Variants in MB21D2 observed in about 807,000 individuals in gnomAD.
MB21D2 encodes Mab-21 domain containing 2, also known as nucleotidyltransferase MB21D2.
Under a neutral mutation model 33.3 loss-of-function variants are expected in MB21D2, and 9 were observed. The observed-to-expected ratio is 0.27, with a 90% confidence interval of 0.16 to 0.47. The LOEUF (loss-of-function observed/expected upper bound fraction) is 0.47. Among genes scored for constraint, MB21D2 ranks in the 20% least tolerant of loss-of-function variants. The pLI is 0.99. For synonymous variants in MB21D2, 241 were observed against 236.3 expected (o/e 1.02, Z -0.18); for missense variants, 540 against 624.6 (o/e 0.86, Z 1.44).
At chr3:192,847,601 A>G (rs976114880) in intron 1 of MB21D2, among the ~76,000 whole-genome samples, 2 of 152,200 alleles carry the variant, frequency 1.3e-5, no homozygotes, top group Non-Finnish European at 2.9e-5. Context: ...AACACCCTTC[A>G]CCATAATGCT....
intron 1 of MB21D2, among the ~76,000 whole-genome samples, chr3:192,828,424 G>A (rs1018774800): frequency 6.6e-6 from 1 of 151,202 alleles, no homozygotes; most frequent in Non-Finnish European, 1.5e-5. Context: ...TGCAGCAGGA[G>A]TGGGGCCCAA....
At chr3:192,853,676 CA>C (rs1377266594) in intron 1 of MB21D2, among the ~76,000 whole-genome samples, 1 of 151,932 alleles carries the variant, frequency 6.6e-6, no homozygotes, top group East Asian at 1.9e-4. Context: ...AAAAGACTTA[CA>C]AGTACAGGCG....
At chr3:192,905,635 CAAA>C (rs142676577) in intron 1 of MB21D2, among the ~76,000 whole-genome samples, 96 of 84,964 alleles carry the variant, frequency 1.1e-3, no homozygotes, top group Admixed American at 2.1e-3. Flanking sequence ...CGCCCTGTCT[CAAA>C]AAAAAAAAAA....
In MB21D2 at chr3:192,799,664, AG is replaced by A; in HGVS notation, c.212-15del. ...TTTGCACCATTCCTGGAAATAAAGAAGAAAAAAACAACACTATTACAGGAAA... is the reference window on the plus strand; with the variant it reads ...TTTGCACCATTCCTGGAAATAAAGAAAAAAAAACAACACTATTACAGGAAA... On this transcript the variant is annotated splice_polypyrimidine_tract_variant and intron_variant, in intron 1 of 1. Transcript: ENST00000392452. The surrounding 1 kb of genome is among the most constrained non-coding windows in gnomAD (Gnocchi z 4.1). 1 of 1,605,254 alleles carries A rather than the reference AG, an allele frequency of 6.2e-7. No homozygotes were observed. Among genetic ancestry groups the A allele is most frequent in the Non-Finnish European group, 8.5e-7 (1 of 1,176,382 alleles).
chr3:192,890,123 G>T (rs764262118), intron 1 of MB21D2, among the ~76,000 whole-genome samples: 2 of 152,034 alleles, frequency 1.3e-5, no homozygotes, highest in Non-Finnish European at 1.5e-5. Flanking sequence ...CATCCTTCTG[G>T]TGTTTCTGGA....
intron 1 of MB21D2, among the ~76,000 whole-genome samples, chr3:192,834,809 CTTTTT>C (rs71177378): frequency 1.7e-5 from 2 of 119,878 alleles, no homozygotes. Context: ...GAGGATTGTT[CTTTTT>C]TTTTTTTTTT....
At chr3:192,825,277 T>C (rs1204515578) in intron 1 of MB21D2, among the ~76,000 whole-genome samples, 2 of 152,180 alleles carry the variant, frequency 1.3e-5, no homozygotes, top group African/African-American at 2.4e-5. Context: ...CATGGTAAGC[T>C]TGCTGAATGA....
At chr3:192,863,977 C>T (rs1577187862) in intron 1 of MB21D2, among the ~76,000 whole-genome samples, 2 of 152,300 alleles carry the variant, frequency 1.3e-5, no homozygotes, top group Middle Eastern at 6.8e-3. Flanking sequence ...CCTGAATGGA[C>T]TAAGACACTC....
At chr3:192,885,986 A>C (rs1057236532) in intron 1 of MB21D2, among the ~76,000 whole-genome samples, 2 of 152,026 alleles carry the variant, frequency 1.3e-5, no homozygotes, top group Admixed American at 6.6e-5. Context: ...TTGGAGATGA[A>C]GTCTCACTCT....
intron 1 of MB21D2, among the ~76,000 whole-genome samples, chr3:192,875,473 G>T (rs1713410099): frequency 6.6e-6 from 1 of 152,080 alleles, no homozygotes; most frequent in Non-Finnish European, 1.5e-5. Flanking sequence ...TTTTCTTGTT[G>T]TTGTTGTTGT....
intron 1 of MB21D2, among the ~76,000 whole-genome samples, chr3:192,912,972 T>C (rs1406449897): frequency 1.3e-5 from 2 of 152,206 alleles, no homozygotes; most frequent in Non-Finnish European, 2.9e-5. Context: ...GAAAAAAGAT[T>C]ACATGAGCTA....
intron 1 of MB21D2, among the ~76,000 whole-genome samples, chr3:192,908,306 G>GCCAGGTAT (rs1325158441): frequency 1.3e-5 from 2 of 151,922 alleles, no homozygotes; most frequent in Admixed American, 1.3e-4. Flanking sequence ...AGATAAATAA[G>GCCAGGTAT]CCAGGTATTC....
chr3:192,800,540 A>G (rs1023599902), intron 1 of MB21D2, among the ~76,000 whole-genome samples: 2 of 152,150 alleles, frequency 1.3e-5, no homozygotes, highest in Non-Finnish European at 2.9e-5. Context: ...TTTTTAAAAA[A>G]CCCAGTTTTA....
chr3:192,815,869 CATAG>C (rs1711910627), intron 1 of MB21D2, among the ~76,000 whole-genome samples: 1 of 152,140 alleles, frequency 6.6e-6, no homozygotes, highest in Non-Finnish European at 1.5e-5. Context: ...CAATCTCAAG[CATAG>C]ATAAAGTGAT....
intron 1 of MB21D2, among the ~76,000 whole-genome samples, chr3:192,843,600 C>T (rs1338982257): frequency 2.0e-5 from 3 of 152,066 alleles, no homozygotes; most frequent in Non-Finnish European, 4.4e-5. Flanking sequence ...GAAACAGTGA[C>T]GTCTGTATAC....
Position 192,900,924 on chromosome 3 carries a change from G to A in MB21D2, c.211+16706C>T, listed in dbSNP as rs182948060. ...CCACTGCACTCCAGCCTGGGTGACA[G>A]AGCGAGACTCTGTCTCAAAAAAAAA... On this transcript the variant is annotated intron_variant, in intron 1 of 1. Coordinates refer to ENST00000392452, the MANE Select transcript of MB21D2 (RefSeq NM_178496.4). Among the ~76,000 whole-genome samples the A allele has an allele frequency of 3.1e-3, 456 of 146,704 alleles. 1 individual carries two copies. Among genetic ancestry groups the A allele is most frequent in the African/African-American group, 0.011 (449 of 39,556 alleles).
rs184134440 is a variant in MB21D2 at position 192,838,948 on chromosome 3, T to C, written c.212-39298A>G. 1.7e-3 allele frequency among the ~76,000 whole-genome samples: 264 copies of C among 152,304 alleles called. 1 individual carries two copies. The highest frequency in any genetic ancestry group is 5.8e-3 in the African/African-American group (241 of 41,560). On this transcript the variant is annotated intron_variant, in intron 1 of 1. Coordinates refer to ENST00000392452, the MANE Select transcript of MB21D2 (RefSeq NM_178496.4). ...TTAGGTTAGGAGCAGAGGCACATAG[T>C]GTACTGAGTTACAAGTCAAAAAAGC...
chr3:192,854,452 G>A (rs1174496328), intron 1 of MB21D2, among the ~76,000 whole-genome samples: 1 of 152,178 alleles, frequency 6.6e-6, no homozygotes, highest in Non-Finnish European at 1.5e-5. Context: ...TGGCTCATGA[G>A]ATTTAAGGAA....
intron 1 of MB21D2, among the ~76,000 whole-genome samples, chr3:192,827,393 G>T (rs571386963): frequency 1.3e-5 from 2 of 152,108 alleles, no homozygotes; most frequent in South Asian, 4.2e-4. Flanking sequence ...TGTGTTCCCT[G>T]GGCTGGCTCA....
Sources: gnomAD v4.1 joint callset for allele counts (sites outside exome capture counted in the v4.1 genomes callset) on GRCh38, gnomAD v4.1.1 for gene constraint, Gnocchi (gnomAD v3.1) non-coding constraint, MANE v1.5 for transcripts, NCBI Gene and HGNC (gene_info 2026-07-23, HGNC 2026-07-21) for gene names.